AATK: variants seen among roughly 807,000 people sequenced by gnomAD.
The protein encoded by AATK is serine/threonine-protein kinase LMTK1.
A neutral mutation model predicts 114.3 loss-of-function variants in AATK; 91 were observed. The ratio of observed to expected loss-of-function variants is 0.80; its 90% CI spans 0.67 to 0.95. The LOEUF is 0.95. Among genes scored for constraint, AATK ranks in the 40% least tolerant of loss-of-function variants. The pLI, the probability that AATK is intolerant of heterozygous loss-of-function variation, is 0.00. For synonymous variants in AATK, 1,075 were observed against 916.5 expected (o/e 1.17, Z -3.12); for missense variants, 2,176 against 1,965.2 (o/e 1.11, Z -2.03).
intron 13 of AATK, 38 bp downstream of exon 13, chr17:81,119,342 C>CCGTGTGCCCTACCTCT (rs2060653767): frequency 6.8e-7 from 1 of 1,481,038 alleles, no homozygotes; most frequent in Non-Finnish European, 8.9e-7. Flanking sequence ...GCCCTGCCTC[C>CCGTGTGCCCTACCTCT]CGCGTGCCCT....
At chr17:81,137,974 A>C (rs1267202194) in intron 1 of AATK, among the ~76,000 whole-genome samples, 1 of 151,046 alleles carries the variant, frequency 6.6e-6, no homozygotes, top group Non-Finnish European at 1.5e-5. Flanking sequence ...ACACACGCAG[A>C]CACCCACACG....
chr17:81,130,687 G>A (rs1408258455), intron 3 of AATK, among the ~76,000 whole-genome samples: 1 of 152,090 alleles, frequency 6.6e-6, no homozygotes, highest in Non-Finnish European at 1.5e-5. Flanking sequence ...CCAGCACATG[G>A]CCATGTCCAG....
At chr17:81,138,254 CAGAGACAT>C (rs2146347295) in intron 1 of AATK, among the ~76,000 whole-genome samples, 1 of 139,954 alleles carries the variant, frequency 7.1e-6, no homozygotes, top group African/African-American at 2.5e-5. Context: ...CACACATGCA[CAGAGACAT>C]ACCCACATGC....
At chr17:81,154,919 T>C (rs1184495976) in intron 1 of AATK, among the ~76,000 whole-genome samples, 1 of 152,176 alleles carries the variant, frequency 6.6e-6, no homozygotes, top group Admixed American at 6.5e-5. Flanking sequence ...TGTGAGCCAC[T>C]GCGCTCGGCC....
chr17:81,148,091 A>T (rs538153772), intron 1 of AATK, among the ~76,000 whole-genome samples: 158 of 143,158 alleles, frequency 1.1e-3, no homozygotes, highest in African/African-American at 4.0e-3. Context: ...AAAAAAAAAG[A>T]ACAGAAGAAA....
At chr17:81,159,527 A>AGCCTT (rs2061406228) in intron 1 of AATK, among the ~76,000 whole-genome samples, 1 of 152,100 alleles carries the variant, frequency 6.6e-6, no homozygotes, top group Admixed American at 6.5e-5. Flanking sequence ...GTTCGAGGAA[A>AGCCTT]TTCCACGTGG....
At position 81,123,346 on chromosome 17, in the gene AATK, G is replaced by T; in HGVS notation, c.963-3C>A. 7.3e-7 allele frequency: 1 copy of T among 1,366,382 alleles called. No individual in the cohort carries two copies. The highest frequency in any genetic ancestry group is 1.8e-5 in the South Asian group (1 of 57,078). The allele number at this position is 1,366,382 out of a possible 1,614,324, so 84.6% of individuals were successfully genotyped here. ...CCCAGATGGTCACGCCCAGGGACCT[G>T]TGGGGCGACAGCCGTGAGCCAGGGC... On this transcript the variant is annotated splice_region_variant and splice_polypyrimidine_tract_variant and intron_variant, in intron 9 of 13. Coordinates refer to ENST00000326724, the MANE Select transcript of AATK (RefSeq NM_001080395.3).
Position 81,123,416 on chromosome 17 carries a change from C to T in AATK, c.963-73G>A, listed in dbSNP as rs933205455. On this transcript the variant is annotated intron_variant, in intron 9 of 13. Coordinates refer to ENST00000326724, the MANE Select transcript of AATK (RefSeq NM_001080395.3). The stretch of plus-strand genomic sequence containing the variant: ...CAAGGACCGCGCAGGATCCCCGGGG[C>T]GCCGAATGGGGCAGCTCCCGCCATC... 265 of 1,277,560 alleles carry T rather than the reference C, an allele frequency of 2.1e-4. 2 individuals are homozygous for T. The highest frequency in any genetic ancestry group is 1.2e-4 in the South Asian group (5 of 42,574). 79.1% of individuals were successfully genotyped at this position (1,277,560 alleles called of 1,614,324 possible).
At chr17:81,162,953 C>G (rs1271058407) in intron 1 of AATK, among the ~76,000 whole-genome samples, 3 of 152,178 alleles carry the variant, frequency 2.0e-5, no homozygotes, top group African/African-American at 7.2e-5. Context: ...TAGGCACTGC[C>G]CAGGTACCCA....
At chr17:81,131,893 G>T in intron 2 of AATK, 1 of 1,329,998 alleles carries the variant, frequency 7.5e-7, no homozygotes, top group Non-Finnish European at 1.0e-6. Context: ...TTTACCCTGG[G>T]CAGCCCACCT....
At chr17:81,133,134 AC>A in intron 2 of AATK, 1 of 442,980 alleles carries the variant, frequency 2.3e-6, no homozygotes. Context: ...AGGAGTGCAG[AC>A]CCCACAGCCT....
chr17:81,118,433 G>A lies in AATK; in HGVS notation c.4094C>T (p.Ala1365Val), dbSNP rs761471386. ...SDAESKRGPE[A>V]GAGGESKEA ...CTCTTTACTCTCACCCCCGGCACCA[G>A]CTTCAGGTCCTGGCAAGCAGGACAA... is the stretch of plus-strand genomic sequence containing the variant. The change falls in exon 14 of 14, where the codon GCT (alanine) becomes GTT (valine). Residue 1365 changes from alanine to valine, a missense_variant. Around this residue, in one of 4 missense-constraint regions of AATK, gnomAD observed 1,701 missense variants for 1,394.7 expected, o/e 1.22. Transcript: ENST00000326724. 3 of 1,608,248 alleles carry A rather than the reference G, an allele frequency of 1.9e-6. No individual in the cohort carries two copies. Among genetic ancestry groups the A allele is most frequent in the Admixed American group, 1.7e-5 (1 of 59,644 alleles).
intron 1 of AATK, among the ~76,000 whole-genome samples, chr17:81,140,928 T>TGGGACCATGGGGCCGTGAGCCGTG (rs2061126200): frequency 1.4e-5 from 1 of 69,300 alleles, no homozygotes; most frequent in Non-Finnish European, 3.1e-5. Context: ...CGTGGGACCG[T>TGGGACCATGGGGCCGTGAGCCGTG]GGGACCATGG....
In AATK at chr17:81,122,311, C is replaced by T. The variant is rs1289149814; in HGVS notation, c.1625G>A (p.Gly542Asp). 5 of 1,510,052 alleles carry T rather than the reference C, an allele frequency of 3.3e-6. No individual in the cohort carries two copies. In the East Asian group the frequency reaches 1.3e-4, roughly 40 times the overall value. The allele number at this position is 1,510,052 out of a possible 1,614,324, so 93.5% of individuals were successfully genotyped here. Residue 542 changes from glycine to aspartate, a missense_variant, in exon 11 of 14, where the codon GGC (glycine) becomes GAC (aspartate). Physicochemically the swap from Gly to Asp is moderately conservative, Grantham distance 94. Transcript: ENST00000326724. ...IRLEEAAPAAGHDPDCAGCAP... is the reference protein window; with the variant it reads ...IRLEEAAPAADHDPDCAGCAP... Reference sequence around the variant, plus strand: ...GCAGCCGGCGCAGTCAGGGTCGTGGCCGGCGGCGGGTGCGGCCTCCTCTAG... The same window carrying T: ...GCAGCCGGCGCAGTCAGGGTCGTGGTCGGCGGCGGGTGCGGCCTCCTCTAG...
At position 81,121,097 on chromosome 17, in the gene AATK, G is replaced by A; in HGVS notation, c.2839C>T (p.Pro947Ser). Residue 947 changes from proline (P) to serine (S), a missense_variant, in exon 11 of 14, where the codon CCT becomes TCT. This residue lies in a region of AATK where 1,701 missense variants were observed against 1,394.7 expected (regional missense o/e 1.22). Transcript: ENST00000326724. ...TGCGCCTCCTTGAGCACAAACTCAG[G>A]GGACTCATAGTTCTCGGTGTCATAG... ...SGYDTENYES[P>S]EFVLKEAQEG... 6.2e-7 allele frequency: 1 copy of A among 1,605,846 alleles called. No homozygotes were observed. The highest frequency in any genetic ancestry group is 8.5e-7 in the Non-Finnish European group (1 of 1,176,410).
chr17:81,155,630 C>T (rs1027058943), intron 1 of AATK, among the ~76,000 whole-genome samples: 10 of 152,058 alleles, frequency 6.6e-5, no homozygotes, highest in African/African-American at 4.8e-5. Flanking sequence ...GTGATCCATC[C>T]ACCTCGGCCT....
rs370758589 is a variant in AATK at position 81,131,191 on chromosome 17, C to T, written c.204G>A (p.Ala68=). The part of the protein sequence containing the change: ...GGIGFKEFEN[A]EGDEYAADLA... ...GGTCGGCTGCGTACTCGTCCCCCTC[C>T]GCATTCTCAAACTCCTGCGGGCCGG... is the stretch of plus-strand genomic sequence containing the variant. Residue 68 remains alanine (A), a synonymous_variant, in exon 3 of 14, where the codon GCG becomes GCA. Coordinates refer to ENST00000326724, the MANE Select transcript of AATK (RefSeq NM_001080395.3). 605 of 1,580,542 alleles carry T rather than the reference C, an allele frequency of 3.8e-4. No homozygotes were observed. Among genetic ancestry groups the T allele is most frequent in the Non-Finnish European group, 4.7e-4 (545 of 1,166,098 alleles).
rs1008629665 is a variant in AATK at position 81,117,680 on chromosome 17, G to A, written c.*722C>T. On this transcript the variant is annotated 3_prime_UTR_variant, in exon 14 of 14. Transcript: ENST00000326724. ...GTCCTGCCAAGGGCACCTCTAGAAC[G>A]GGGCCCACGGGGCAGGAGTACAGCC... The A allele has an allele frequency of 5.9e-5, 9 of 152,282 alleles. No individual in the cohort carries two copies. The highest frequency in any genetic ancestry group is 7.3e-5 in the Non-Finnish European group (5 of 68,096). 9.4% of individuals were successfully genotyped at this position (152,282 alleles called of 1,614,324 possible). A position where few individuals can be genotyped will look rare whatever the true frequency, so the allele number is the denominator to read the frequency against.
chr17:81,120,579 C>G lies in AATK; in HGVS notation c.3357G>C (p.Gly1119=), dbSNP rs556627095. Residue 1119 remains glycine (G), a synonymous_variant, in exon 11 of 14, where the codon GGG becomes GGC. Transcript: ENST00000326724. ...CCGGCCCTGACAACAGTCCTGGGGG[C>G]CCCTGGAACTCAGAGCTGTTGCCTT... The part of the protein sequence containing the change: ...RSEGNSSEFQ[G]PPGLLSGPAP... 1.1e-5 allele frequency: 17 copies of G among 1,532,756 alleles called. No individual in the cohort carries two copies. The African/African-American group carries it at 1.2e-4, about 11-fold the overall frequency. 94.9% of individuals were successfully genotyped at this position (1,532,756 alleles called of 1,614,324 possible).
Sources: gnomAD v4.1 joint callset for allele counts (sites outside exome capture counted in the v4.1 genomes callset) on GRCh38, gnomAD v4.1.1 for gene constraint, gnomAD v4.1.1 regional missense constraint, MANE v1.5 for transcripts, NCBI Gene and HGNC (gene_info 2026-07-23, HGNC 2026-07-21) for gene names.